ECE1: variants seen among roughly 807,000 people sequenced by gnomAD.
ECE1 encodes endothelin-converting enzyme 1.
A neutral mutation model predicts 98.6 loss-of-function variants in ECE1; 35 were observed. That is an observed-to-expected ratio of 0.35 (90% CI 0.27 to 0.47). ECE1 has a LOEUF of 0.47. Ranked by LOEUF, ECE1 falls within the 20% of genes least tolerant of loss-of-function variation. The pLI, the probability that ECE1 is intolerant of heterozygous loss-of-function variation, is 1.00. For missense variants in ECE1, 814 were observed against 1,025.3 expected (o/e 0.79, Z 2.81); for synonymous variants, 394 against 407.1 (o/e 0.97, Z 0.39).
At chr1:21,292,885 C>T (rs1638246711), upstream of ECE1, among the ~76,000 whole-genome samples, 1 of 152,194 alleles carries the variant, frequency 6.6e-6, no homozygotes, top group African/African-American at 2.4e-5. Context: ...GTTTCCATTA[C>T]CCATCCCAGA....
At chr1:21,305,359 G>A (rs1257454222) in intron 1 of ECE1, among the ~76,000 whole-genome samples, 1 of 152,202 alleles carries the variant, frequency 6.6e-6, no homozygotes, top group Non-Finnish European at 1.5e-5. Context: ...GGAAATACGA[G>A]TTGAATGAAT....
intron 1 of ECE1, among the ~76,000 whole-genome samples, chr1:21,338,663 G>A (rs1639346622): frequency 6.6e-6 from 1 of 152,222 alleles, no homozygotes; most frequent in Non-Finnish European, 1.5e-5. Flanking sequence ...TGGGAAGACT[G>A]AGGCCCACGA....
intron 16 of ECE1, among the ~76,000 whole-genome samples, chr1:21,226,931 C>T (rs2098175096): frequency 6.6e-6 from 1 of 152,122 alleles, no homozygotes; most frequent in Non-Finnish European, 1.5e-5. Flanking sequence ...GCCATGTTGG[C>T]CAGGCTGATC....
intron 2 of ECE1, among the ~76,000 whole-genome samples, chr1:21,287,021 AAAAT>A (rs2098261318): frequency 6.6e-6 from 1 of 152,224 alleles, no homozygotes; most frequent in African/African-American, 2.4e-5. Context: ...CCAATAATAA[AAAAT>A]AAATAAATGT....
Position 21,218,162 on chromosome 1 carries a change from G to C in ECE1, c.*1793C>G, listed in dbSNP as rs1260443050. The C allele has an allele frequency of 1.3e-5, 2 of 152,326 alleles. No individual in the cohort carries two copies. Among genetic ancestry groups the C allele is most frequent in the Non-Finnish European group, 2.9e-5 (2 of 68,120 alleles). The allele number at this position is 152,326 out of a possible 1,614,324, so 9.4% of individuals were successfully genotyped here. On this transcript the variant is annotated 3_prime_UTR_variant, in exon 19 of 19. Transcript: ENST00000374893. This position sits in a 1 kb window ranked among gnomAD's most constrained non-coding sequence, Gnocchi z 4.0. ...CAGACACCACAGGCCAGACTGGGTG[G>C]AGGAATCTTCCCCTCACAATGTCCC...
intron 1 of ECE1, among the ~76,000 whole-genome samples, chr1:21,332,411 G>A (rs1033186642): frequency 2.0e-5 from 3 of 151,280 alleles, no homozygotes; most frequent in South Asian, 2.1e-4. Flanking sequence ...CAAGAATCTC[G>A]TCGCTTATTT....
In ECE1 at chr1:21,255,973, G is replaced by A. The variant is rs1187690624; in HGVS notation, c.994C>T (p.His332Tyr). 1 of 1,614,018 alleles carries A rather than the reference G, an allele frequency of 6.2e-7. No homozygotes were observed. Among genetic ancestry groups the A allele is most frequent in the African/African-American group, 1.3e-5 (1 of 74,944 alleles). Residue 332 changes from histidine to tyrosine, a missense_variant, in exon 8 of 19, where the codon CAC becomes TAC. This residue lies in a region of ECE1 where 105 missense variants were observed against 179.1 expected (regional missense o/e 0.59). Transcript: ENST00000374893. Reference protein sequence around the residue: ...EKRRDEELIYHKVTAAELQTL... With the variant: ...EKRRDEELIYYKVTAAELQTL... ...TGCAGCTCGGCTGCCGTCACTTTGT[G>A]GTAGATGAGCTCCTCATCACGGCGC...
At chr1:21,292,645 C>T (rs140729139), upstream of ECE1, among the ~76,000 whole-genome samples, 94 of 152,322 alleles carry the variant, frequency 6.2e-4, 1 homozygote, top group African/African-American at 2.2e-3. Flanking sequence ...CCAACAGAGA[C>T]TCTCCATCAC....
rs529003202 is a variant in ECE1 at position 21,305,357 on chromosome 1, G to A, written c.4-15201C>T. On this transcript the variant is annotated intron_variant, in intron 1 of 18. Transcript: ENST00000415912. ...CAGAGAGCAGGTACTCAGGAAATAC[G>A]AGTTGAATGAATGAATGAAGGCAAA... 4.6e-5 allele frequency among the ~76,000 whole-genome samples: 7 copies of A among 152,306 alleles called. No individual in the cohort carries two copies. The South Asian group carries it at 1.5e-3, about 32-fold the overall frequency.
At chr1:21,333,808 T>A (rs1639254945) in intron 1 of ECE1, among the ~76,000 whole-genome samples, 1 of 151,384 alleles carries the variant, frequency 6.6e-6, no homozygotes, top group Admixed American at 6.6e-5. Flanking sequence ...CACTCCAATC[T>A]GGGCAACAGA....
chr1:21,243,614 G>A (rs567115279), intron 10 of ECE1, among the ~76,000 whole-genome samples: 181 of 152,250 alleles, frequency 1.2e-3, no homozygotes, highest in African/African-American at 4.1e-3. Flanking sequence ...AGAATATGTG[G>A]GTGTATGTTC....
chr1:21,273,882 A>G (rs1357369061), intron 3 of ECE1, among the ~76,000 whole-genome samples: 3 of 152,354 alleles, frequency 2.0e-5, no homozygotes, highest in African/African-American at 7.2e-5. Flanking sequence ...AAAGGGCCAG[A>G]GCCCTGCCTC....
intron 11 of ECE1, among the ~76,000 whole-genome samples, chr1:21,237,231 G>T (rs2098189439): frequency 6.6e-6 from 1 of 152,156 alleles, no homozygotes; most frequent in South Asian, 2.1e-4. Context: ...CTTTTTGATG[G>T]AGCGGGCTTT....
rs2098165689 is a variant in ECE1, at chr1:21,220,229, C to T, written c.2137-98G>A. ...CAGCAGGGGAGGCCAGGTGCGGTGG[C>T]TCACACCTGTAATCCCAGCACTTTG... On this transcript the variant is annotated intron_variant, in intron 18 of 18. Transcript: ENST00000374893. The surrounding 1 kb of genome is among the most constrained non-coding windows in gnomAD (Gnocchi z 5.0). The T allele has an allele frequency of 7.3e-7, 1 of 1,360,994 alleles. No individual in the cohort carries two copies. The highest frequency in any genetic ancestry group is 1.4e-5 in the South Asian group (1 of 70,632). The allele number at this position is 1,360,994 out of a possible 1,614,324, so 84.3% of individuals were successfully genotyped here.
rs1303912488 is a variant in ECE1, at chr1:21,238,122, G to GA, written c.1389+11dup. ...TGACCTCACAGCCTGTGTCCACGGG[G>GA]AAGGCACTTACTATGCTCTTGCTGT... On this transcript the variant is annotated intron_variant, in intron 11 of 18. Coordinates refer to ENST00000374893, the MANE Select transcript of ECE1 (RefSeq NM_001397.3). The GA allele has an allele frequency of 6.2e-7, 1 of 1,612,088 alleles. No homozygotes were observed. Among genetic ancestry groups the GA allele is most frequent in the African/African-American group, 1.3e-5 (1 of 74,896 alleles).
intron 8 of ECE1, among the ~76,000 whole-genome samples, chr1:21,253,658 G>C (rs2098215785): frequency 1.3e-5 from 2 of 151,544 alleles, no homozygotes; most frequent in Non-Finnish European, 2.9e-5. Context: ...AGCTACTCGG[G>C]AGGCTGAGGT....
intron 3 of ECE1, among the ~76,000 whole-genome samples, 181 bp downstream of exon 3, chr1:21,279,010 C>T (rs918015843): frequency 6.6e-6 from 1 of 152,154 alleles, no homozygotes; most frequent in Non-Finnish European, 1.5e-5. Context: ...ACCTTTATAT[C>T]ACCCACGCTG....
chr1:21,299,129 GGTGATGACTGA>G, intron 1 of ECE1: 1 of 303,728 alleles, frequency 3.3e-6, no homozygotes, highest in South Asian at 2.8e-5. Context: ...ATGGTATAAT[GGTGATGACTGA>G]GCTGCCCAGT....
chr1:21,271,433 TATTGTACCTGCC>T (rs2098240130), intron 4 of ECE1, among the ~76,000 whole-genome samples: 1 of 152,256 alleles, frequency 6.6e-6, no homozygotes, highest in Non-Finnish European at 1.5e-5. Flanking sequence ...GGGTATCTTC[TATTGTACCTGCC>T]TTTGAATATC....
Sources: allele counts gnomAD v4.1 joint callset (sites outside exome capture counted in the v4.1 genomes callset), GRCh38; gene constraint gnomAD v4.1.1; regional missense constraint gnomAD v4.1.1; non-coding constraint Gnocchi (gnomAD v3.1); transcripts MANE v1.5; gene names NCBI Gene and HGNC (gene_info 2026-07-23, HGNC 2026-07-21).